Variants in PCCB observed in about 807,000 individuals in gnomAD.
PCCB encodes propionyl-CoA carboxylase beta chain, mitochondrial.
A neutral mutation model predicts 60.7 loss-of-function variants in PCCB; 43 were observed. The ratio of observed to expected loss-of-function variants is 0.71; its 90% confidence interval spans 0.55 to 0.91. PCCB has a LOEUF of 0.91. Ranked by LOEUF, PCCB falls within the 40% of genes least tolerant of loss-of-function variation. The probability of loss-of-function intolerance (pLI) is 0.00; values close to 1 mark genes in which losing one functional copy is unlikely to be tolerated. For synonymous variants in PCCB, 276 were observed against 255.9 expected, an observed-to-expected ratio of 1.08 and a Z score of -0.75; for missense variants, 766 against 702.8, an observed-to-expected ratio of 1.09 and a Z score of -1.02.
At chr3:136,273,330 A>G (rs1038766380) in intron 5 of PCCB, among the ~76,000 whole-genome samples, 10 of 152,102 alleles carry the variant, frequency 6.6e-5, no homozygotes, top group African/African-American at 2.4e-4. Context: ...TGTTAAGTCC[A>G]TTTGTTCTAG....
rs201930468 is a variant in PCCB, at chr3:136,314,675, C to CA, written c.967-2259dup. 2.7e-4 allele frequency among the ~76,000 whole-genome samples: 40 copies of CA among 149,896 alleles called. No individual in the cohort carries two copies. In the South Asian group the frequency reaches 7.3e-3, roughly 27 times the overall value. On this transcript the variant is annotated intron_variant, in intron 9 of 14. Transcript: ENST00000251654. ...GTCTCAAGAAAAACAAAAACAAAAA[C>CA]AAAAAAACAAAACAAAAAAACTCAC...
At chr3:136,254,366 G>C (rs193234646) in intron 1 of PCCB, among the ~76,000 whole-genome samples, 1 of 151,212 alleles carries the variant, frequency 6.6e-6, no homozygotes, top group Admixed American at 6.6e-5. Context: ...CTACAGGTGG[G>C]TGCTACCAAG....
chr3:136,301,544 G>A (rs937925133), intron 9 of PCCB, among the ~76,000 whole-genome samples: 14 of 152,058 alleles, frequency 9.2e-5, no homozygotes, highest in African/African-American at 3.4e-4. Flanking sequence ...GTGGAGGTCC[G>A]TGGGAGACAG....
intron 9 of PCCB, among the ~76,000 whole-genome samples, chr3:136,314,945 A>T (rs554082066): frequency 3.3e-5 from 5 of 152,340 alleles, no homozygotes; most frequent in African/African-American, 1.2e-4. Flanking sequence ...GTGCCACTTG[A>T]TGAGAATGCT....
At chr3:136,261,472 T>A (rs936059622) in intron 4 of PCCB, among the ~76,000 whole-genome samples, 2 of 152,240 alleles carry the variant, frequency 1.3e-5, no homozygotes, top group Non-Finnish European at 2.9e-5. Context: ...TATTGCTTAT[T>A]ATGCTGTCGG....
intron 10 of PCCB, among the ~76,000 whole-genome samples, chr3:136,321,181 A>C (rs930798504): frequency 6.6e-6 from 1 of 152,210 alleles, no homozygotes; most frequent in Admixed American, 6.5e-5. Context: ...ATCACAGTGT[A>C]TAACCTCTTT....
At chr3:136,259,310 C>A (rs181483987) in intron 3 of PCCB, 1 of 439,940 alleles carries the variant, frequency 2.3e-6, no homozygotes, top group Non-Finnish European at 3.8e-6. Context: ...AATAAAAATA[C>A]AAAAATTAGC....
rs775972133 is a variant in PCCB, at chr3:136,260,461, T to C, written c.373-18T>C. The C allele has an allele frequency of 6.9e-5, 110 of 1,605,740 alleles. No homozygotes were observed. Among genetic ancestry groups the C allele is most frequent in the Non-Finnish European group, 8.5e-5 (100 of 1,173,248 alleles). On this transcript the variant is annotated intron_variant, in intron 3 of 14. Coordinates refer to ENST00000251654, the MANE Select transcript of PCCB (RefSeq NM_000532.5). ...CCAGTCACTATATTTGACTTGCTGA[T>C]TTGTATTTTCTTTTTAGGATTTTAC...
At chr3:136,256,033 A>G (rs1451872978) in intron 2 of PCCB, 58 bp downstream of exon 2, 1 of 1,612,046 alleles carries the variant, frequency 6.2e-7, no homozygotes, top group Non-Finnish European at 8.5e-7. Context: ...TGGCCTACCC[A>G]CTAGAATAAT....
intron 5 of PCCB, 142 bp downstream of exon 5, chr3:136,262,207 G>A: frequency 1.4e-6 from 1 of 692,896 alleles, no homozygotes; most frequent in South Asian, 1.5e-5. Flanking sequence ...GTCACTGGGG[G>A]TGGGATGAAG....
chr3:136,287,353 C>G (rs1933465204), intron 6 of PCCB, among the ~76,000 whole-genome samples: 2 of 150,960 alleles, frequency 1.3e-5, no homozygotes, highest in South Asian at 2.1e-4. Context: ...CTATGTTGTT[C>G]TTTGAAAATG....
intron 10 of PCCB, among the ~76,000 whole-genome samples, chr3:136,320,303 C>T (rs1935065094): frequency 6.6e-6 from 1 of 152,180 alleles, no homozygotes; most frequent in African/African-American, 2.4e-5. Flanking sequence ...GACACCTTGA[C>T]AATATTGTCT....
At position 136,250,405 on chromosome 3, in the gene PCCB, C is replaced by A. The variant is rs754303318; in HGVS notation, c.30C>A (p.Val10=). ...CGGCGGCATTACGGGTGGCGGCGGT[C>A]GGGGCAAGGCTCAGCGTTCTGGCGA... MAAALRVAA[V]GARLSVLASG... The change falls in exon 1 of 15, where the codon GTC becomes GTA. Residue 10 remains valine, a synonymous_variant. Transcript: ENST00000251654. The A allele has an allele frequency of 1.9e-6, 3 of 1,544,238 alleles. No homozygotes were observed. The highest frequency in any genetic ancestry group is 2.6e-6 in the Non-Finnish European group (3 of 1,142,558).
chr3:136,259,304 A>T (rs1941759673), intron 3 of PCCB: 1 of 447,354 alleles, frequency 2.2e-6, no homozygotes, highest in East Asian at 3.5e-5. Flanking sequence ...GTCTCTAATA[A>T]AAATACAAAA....
rs1001308586 is a variant in PCCB at position 136,308,282 on chromosome 3, G to A, written c.966+7171G>A. On this transcript the variant is annotated intron_variant, in intron 9 of 14. Coordinates refer to ENST00000251654, the MANE Select transcript of PCCB (RefSeq NM_000532.5). ...GGAGTCTCACTCTGTAACCCAGGCT[G>A]GAGTGCTGTGGCACAATCTCAGCCC... Among the ~76,000 whole-genome samples the A allele has an allele frequency of 2.1e-5, 3 of 140,068 alleles. No individual in the cohort carries two copies. In the Admixed American group the frequency reaches 2.3e-4, roughly 11 times the overall value. The allele number at this position is 140,068 out of a possible 152,430, so 91.9% of individuals were successfully genotyped here. A position where few individuals can be genotyped will look rare whatever the true frequency, so the allele number is the denominator to read the frequency against.
At chr3:136,257,401 C>T (rs1203243781) in intron 3 of PCCB, among the ~76,000 whole-genome samples, 4 of 152,186 alleles carry the variant, frequency 2.6e-5, no homozygotes, top group African/African-American at 9.7e-5. Flanking sequence ...GAAGGGAGCA[C>T]AGTCCTGCCA....
Position 136,288,989 on chromosome 3 carries a change from A to G in PCCB, c.655-4767A>G, listed in dbSNP as rs549884437. 3.3e-5 allele frequency among the ~76,000 whole-genome samples: 5 copies of G among 151,968 alleles called. No homozygotes were observed. The East Asian group carries it at 9.7e-4, about 29-fold the overall frequency. On this transcript the variant is annotated intron_variant, in intron 6 of 14. Coordinates refer to ENST00000251654, the MANE Select transcript of PCCB (RefSeq NM_000532.5). ...GGCCAATTTTTTTATTTTTGTAGAG[A>G]CAGGGTTTCACCATGTTGGCCAGGC...
intron 9 of PCCB, among the ~76,000 whole-genome samples, chr3:136,302,168 C>T (rs1024642656): frequency 4.0e-5 from 5 of 124,906 alleles, no homozygotes; most frequent in Non-Finnish European, 9.0e-5. Flanking sequence ...ATGCCCACCC[C>T]GGCTCCTGCA....
intron 3 of PCCB, among the ~76,000 whole-genome samples, chr3:136,258,892 C>T (rs1396149083): frequency 6.6e-6 from 1 of 151,952 alleles, no homozygotes; most frequent in Non-Finnish European, 1.5e-5. Flanking sequence ...TCCTTGATTA[C>T]CCCCACTGCA....
Sources: gnomAD v4.1 joint callset for allele counts (sites outside exome capture counted in the v4.1 genomes callset) on GRCh38, gnomAD v4.1.1 for gene constraint, MANE v1.5 for transcripts, NCBI Gene and HGNC (gene_info 2026-07-23, HGNC 2026-07-21) for gene names.